The following TMX4 variants were observed in gnomAD, a reference collection of about 807,000 sequenced individuals.
TMX4 encodes thioredoxin-related transmembrane protein 4.
A neutral mutation model predicts 33.3 loss-of-function variants in TMX4; 23 were observed. The observed-to-expected ratio is 0.69, with a 90% CI of 0.50 to 0.98. The LOEUF is 0.98. Among genes scored for constraint, TMX4 ranks in the 50% least tolerant of loss-of-function variants. The pLI is 0.00. For synonymous variants in TMX4, 164 were observed against 161.5 expected, an observed-to-expected ratio of 1.02 and a Z score of -0.12; for missense variants, 399 against 448.9, an observed-to-expected ratio of 0.89 and a Z score of 1.01.
Position 7,999,725 on chromosome 20 carries a change from G to A in TMX4, c.467+7C>T. ...TAGTAACACCTTGTCTTAAAAAATT[G>A]AGTTACGTTAGAGAAGCCGGGGATT... On this transcript the variant is annotated splice_region_variant and intron_variant, in intron 4 of 7. Transcript: ENST00000246024. 6.2e-7 allele frequency: 1 copy of A among 1,608,020 alleles called. No individual in the cohort carries two copies.
At position 7,977,726 on chromosome 20, in the gene TMX4, G is replaced by A. The variant is rs1005763438; in HGVS notation, c.*4525C>T. 1 of 152,148 alleles carries A rather than the reference G, an allele frequency of 6.6e-6. No homozygotes were observed. Among genetic ancestry groups the A allele is most frequent in the African/African-American group, 2.4e-5 (1 of 41,436 alleles). 9.4% of individuals were successfully genotyped at this position (152,148 alleles called of 1,614,324 possible). A position where few individuals can be genotyped will look rare whatever the true frequency, so the allele number is the denominator to read the frequency against. On this transcript the variant is annotated 3_prime_UTR_variant, in exon 8 of 8. Transcript: ENST00000246024. ...CAACAAATTTATAACATATTGCATT[G>A]CAAATAAGCAATGTTTTTAGTATAA...
intron 1 of TMX4, among the ~76,000 whole-genome samples, 197 bp from the exon 2 acceptor site, chr20:8,010,512 T>C (rs925319813): frequency 6.6e-6 from 1 of 152,156 alleles, no homozygotes; most frequent in East Asian, 1.9e-4. Context: ...GTCAATTCTA[T>C]AGGAAAAAAT....
intron 5 of TMX4, among the ~76,000 whole-genome samples, chr20:7,987,731 T>C (rs1278575551): frequency 6.6e-6 from 1 of 152,186 alleles, no homozygotes; most frequent in African/African-American, 2.4e-5. Flanking sequence ...AGGGCATTCA[T>C]GAAAAAATTA....
At chr20:8,001,596 T>C in intron 2 of TMX4, 55 bp from the exon 3 acceptor site, 2 of 1,490,288 alleles carry the variant, frequency 1.3e-6, no homozygotes, top group South Asian at 2.5e-5. Flanking sequence ...AAAAAAAGCA[T>C]TCTTGAGCTT....
intron 6 of TMX4, among the ~76,000 whole-genome samples, chr20:7,985,805 C>T (rs2050628825): frequency 6.6e-6 from 1 of 152,296 alleles, no homozygotes. Context: ...TCAGGCCAAG[C>T]CTCCAATAAC....
rs142414734 is a variant in TMX4, at chr20:8,016,565, GA to G, written c.176+2872del. Among the ~76,000 whole-genome samples, 892 of 152,192 alleles carry G rather than the reference GA, an allele frequency of 5.9e-3. 9 individuals carry two copies. Among genetic ancestry groups the G allele is most frequent in the African/African-American group, 0.02 (846 of 41,528 alleles). ...AAAAATTGACTGTTTGAAAGACTAA[GA>G]AAAAATAACCAAATTTAATTTCATA... On this transcript the variant is annotated intron_variant, in intron 1 of 7. Coordinates refer to ENST00000246024, the MANE Select transcript of TMX4 (RefSeq NM_021156.4).
chr20:7,991,301 G>A (rs553377879), intron 5 of TMX4, among the ~76,000 whole-genome samples: 2 of 152,196 alleles, frequency 1.3e-5, no homozygotes, highest in Admixed American at 6.5e-5. Context: ...GAGCAGCAGA[G>A]ATTCAACAAA....
chr20:7,997,650 A>T (rs901266900), intron 4 of TMX4, among the ~76,000 whole-genome samples: 4 of 152,242 alleles, frequency 2.6e-5, no homozygotes, highest in Admixed American at 2.6e-4. Flanking sequence ...CCAATAAAAA[A>T]AGGATACAGG....
intron 4 of TMX4, 101 bp from the exon 5 acceptor site, chr20:7,996,172 T>C (rs1422547519): frequency 2.3e-6 from 2 of 873,094 alleles, no homozygotes; most frequent in African/African-American, 3.4e-5. Context: ...CACTTCTTGC[T>C]AAATATTGCC....
intron 5 of TMX4, among the ~76,000 whole-genome samples, chr20:7,992,638 G>C (rs868394888): frequency 6.6e-6 from 1 of 152,138 alleles, no homozygotes; most frequent in Non-Finnish European, 1.5e-5. Context: ...ACCAACTCCT[G>C]AGTTGATAGG....
At chr20:7,988,308 T>G (rs561597217) in intron 5 of TMX4, among the ~76,000 whole-genome samples, 1 of 152,272 alleles carries the variant, frequency 6.6e-6, no homozygotes, top group South Asian at 2.1e-4. Flanking sequence ...CTAGAACCAG[T>G]AAGGTTGATG....
intron 7 of TMX4, 149 bp from the exon 8 acceptor site, chr20:7,982,770 T>C (rs2050614415): frequency 4.4e-6 from 4 of 907,530 alleles, no homozygotes; most frequent in Non-Finnish European, 4.9e-6. Flanking sequence ...GATTCTCTGG[T>C]TGGCATCCTA....
chr20:8,019,085 C>CT, intron 1 of TMX4: 1 of 479,362 alleles, frequency 2.1e-6, no homozygotes, highest in Non-Finnish European at 4.0e-6. Context: ...TTCCCTTCTC[C>CT]TCCCTATGGG....
At chr20:8,009,269 CT>C (rs2050742698) in intron 2 of TMX4, among the ~76,000 whole-genome samples, 1 of 152,100 alleles carries the variant, frequency 6.6e-6, no homozygotes, top group Non-Finnish European at 1.5e-5. Context: ...TTAAAAGTCT[CT>C]GTATCACTCC....
Position 7,996,035 on chromosome 20 carries a change from G to T in TMX4, c.504C>A (p.Gly168=). Residue 168 remains glycine (G), a synonymous_variant, in exon 5 of 8, where the codon GGC becomes GGA. Transcript: ENST00000246024. ...SGMAGLFSIS[G]KIWHLHNYFT... ...ATTTAAGATTACTTACCCATATCTT[G>T]CCAGAGATGCTAAAAAGACCAGCCA... is the stretch of plus-strand genomic sequence containing the variant. 1 of 1,609,364 alleles carries T rather than the reference G, an allele frequency of 6.2e-7. No individual in the cohort carries two copies.
intron 4 of TMX4, among the ~76,000 whole-genome samples, chr20:7,998,025 A>T (rs1480011494): frequency 6.6e-6 from 1 of 151,984 alleles, no homozygotes; most frequent in Non-Finnish European, 1.5e-5. Flanking sequence ...ATGTGATGTT[A>T]TGTGCTTCCC....
At chr20:8,005,767 G>A (rs1291935480) in intron 2 of TMX4, among the ~76,000 whole-genome samples, 1 of 152,078 alleles carries the variant, frequency 6.6e-6, no homozygotes. Flanking sequence ...CTGGCAAGTC[G>A]ACCCGCAGAA....
intron 1 of TMX4, among the ~76,000 whole-genome samples, chr20:8,013,562 G>A (rs890759253): frequency 3.3e-5 from 5 of 152,124 alleles, no homozygotes; most frequent in Admixed American, 1.3e-4. Context: ...TGTTGTCCAC[G>A]TTTTTTGTTC....
At chr20:8,019,194 C>A (rs1443457747) in intron 1 of TMX4, 1 of 507,084 alleles carries the variant, frequency 2.0e-6, no homozygotes, top group Non-Finnish European at 3.4e-6. Flanking sequence ...ATGCGCGGCG[C>A]GAGCGGCCGG....
Sources: allele counts gnomAD v4.1 joint callset (sites outside exome capture counted in the v4.1 genomes callset), GRCh38; gene constraint gnomAD v4.1.1; transcripts MANE v1.5; gene names NCBI Gene and HGNC (gene_info 2026-07-23, HGNC 2026-07-21).